The following USP25 variants were observed in gnomAD, a reference collection of about 807,000 sequenced individuals.
The protein encoded by USP25 is ubiquitin carboxyl-terminal hydrolase 25.
USP25 carries 85 observed loss-of-function variants against 158.5 expected under a neutral mutation model. That is an observed-to-expected ratio of 0.54 (90% CI 0.45 to 0.64). The LOEUF (loss-of-function observed/expected upper bound fraction) is 0.64, where lower values mean the gene tolerates loss of function less well. Among genes scored for constraint, USP25 ranks in the 30% least tolerant of loss-of-function variants. USP25 has a pLI of 0.00. For synonymous variants in USP25, 464 were observed against 460.4 expected, an observed-to-expected ratio of 1.01 and a Z score of -0.10; for missense variants, 1,242 against 1,327.3, an observed-to-expected ratio of 0.94 and a Z score of 1.00.
intron 8 of USP25, among the ~76,000 whole-genome samples, chr21:15,810,598 A>G (rs964453375): frequency 2.6e-5 from 4 of 152,220 alleles, no homozygotes; most frequent in Non-Finnish European, 5.9e-5. Flanking sequence ...GAAACTTCAC[A>G]AAAGAATGAA....
chr21:15,864,209 A>G (rs2039557271), intron 20 of USP25, 59 bp from the exon 21 acceptor site: 28 of 1,502,674 alleles, frequency 1.9e-5, no homozygotes, highest in Non-Finnish European at 2.2e-5. Context: ...CATAATATTG[A>G]AGGATTTTTT....
chr21:15,830,618 G>T lies in USP25; in HGVS notation c.1764+17G>T. 4 of 1,540,942 alleles carry T rather than the reference G, an allele frequency of 2.6e-6. No individual in the cohort carries two copies. Among genetic ancestry groups the T allele is most frequent in the Non-Finnish European group, 2.6e-6 (3 of 1,133,678 alleles). On this transcript the variant is annotated intron_variant, in intron 15 of 25. Coordinates refer to ENST00000400183, the MANE Select transcript of USP25 (RefSeq NM_001283041.3). ...ATGATACAAGTAAGTGAAATTTTGA[G>T]CTAGTAATCATTGTCAAAATTATTT...
chr21:15,816,814 TTCTTACTTAAGTGGTGCCA>T lies in USP25; in HGVS notation c.932-1882_932-1864del, dbSNP rs1308417845. Among the ~76,000 whole-genome samples, 1 of 152,154 alleles carries T rather than the reference TTCTTACTTAAGTGGTGCCA, an allele frequency of 6.6e-6. No homozygotes were observed. The highest frequency in any genetic ancestry group is 1.5e-5 in the Non-Finnish European group (1 of 68,014). On this transcript the variant is annotated intron_variant, in intron 9 of 25. Transcript: ENST00000400183. This position sits in a 1 kb window ranked among gnomAD's most constrained non-coding sequence, Gnocchi z 4.0. ...AACTAAAGAAAAAAAAAATCCTGTG[TTCTTACTTAAGTGGTGCCA>T]TTTTCAGTCCATAATCTGCCAGGCA...
intron 18 of USP25, 49 bp downstream of exon 18, chr21:15,842,589 T>G: frequency 6.2e-7 from 1 of 1,600,456 alleles, no homozygotes; most frequent in Non-Finnish European, 8.5e-7. Context: ...GTCACGACAT[T>G]TCCTCCAGTA....
intron 5 of USP25, 106 bp from the exon 6 acceptor site, chr21:15,799,645 CTGAGTA>C (rs1301245080): frequency 1.9e-5 from 11 of 574,354 alleles, no homozygotes; most frequent in Non-Finnish European, 2.9e-5. Context: ...TGCAATGATT[CTGAGTA>C]TAAGTAGTAC....
intron 20 of USP25, 139 bp from the exon 21 acceptor site, chr21:15,864,129 T>C: frequency 1.3e-6 from 1 of 766,490 alleles, no homozygotes; most frequent in Non-Finnish European, 2.0e-6. Context: ...TTCTTAGTTG[T>C]ACTGCCTTGT....
At chr21:15,797,636 G>A (rs1209834387) in intron 5 of USP25, among the ~76,000 whole-genome samples, 2 of 151,274 alleles carry the variant, frequency 1.3e-5, no homozygotes, top group African/African-American at 4.8e-5. Flanking sequence ...TCTACAATGG[G>A]AGCTCAGAGA....
chr21:15,737,262 T>C (rs1048393012), intron 1 of USP25, among the ~76,000 whole-genome samples: 2 of 152,152 alleles, frequency 1.3e-5, no homozygotes, highest in East Asian at 1.9e-4. Flanking sequence ...ACTACCCTTA[T>C]ATGTGGTCAG....
intron 4 of USP25, among the ~76,000 whole-genome samples, chr21:15,786,190 A>C (rs1039363287): frequency 3.9e-5 from 6 of 152,164 alleles, no homozygotes; most frequent in African/African-American, 9.7e-5. Context: ...TGATGGCTAC[A>C]TTGCTGAAGT....
intron 4 of USP25, among the ~76,000 whole-genome samples, chr21:15,778,372 A>G (rs892249238): frequency 1.3e-5 from 2 of 152,106 alleles, no homozygotes; most frequent in South Asian, 4.1e-4. Flanking sequence ...GTAAAGGGCT[A>G]ATAGTAAATA....
At chr21:15,821,849 A>T (rs1315468346) in intron 10 of USP25, among the ~76,000 whole-genome samples, 7 of 151,882 alleles carry the variant, frequency 4.6e-5, no homozygotes, top group Non-Finnish European at 8.8e-5. Context: ...TTAATAGAAA[A>T]CCAGCTATTA....
chr21:15,782,061 G>T (rs1252350316), intron 4 of USP25, among the ~76,000 whole-genome samples: 1 of 152,196 alleles, frequency 6.6e-6, no homozygotes, highest in Non-Finnish European at 1.5e-5. Flanking sequence ...TTGGCTACTT[G>T]GAGCCTAGGC....
chr21:15,814,257 G>C (rs2036821903), intron 9 of USP25, among the ~76,000 whole-genome samples: 1 of 151,264 alleles, frequency 6.6e-6, no homozygotes, highest in Non-Finnish European at 1.5e-5. Flanking sequence ...CAGCCATGTG[G>C]AACTGTAAGT....
chr21:15,837,468 A>G (rs2038111936), intron 17 of USP25, among the ~76,000 whole-genome samples: 1 of 152,126 alleles, frequency 6.6e-6, no homozygotes, highest in Non-Finnish European at 1.5e-5. Context: ...CACCCTACCT[A>G]AGGCCACTTA....
chr21:15,864,218 T>C, intron 20 of USP25, 50 bp from the exon 21 acceptor site: 1 of 1,553,140 alleles, frequency 6.4e-7, no homozygotes. Flanking sequence ...GAAGGATTTT[T>C]TGGTGTTCAA....
chr21:15,788,329 T>A (rs991913845), intron 4 of USP25, among the ~76,000 whole-genome samples: 1 of 152,010 alleles, frequency 6.6e-6, no homozygotes, highest in Non-Finnish European at 1.5e-5. Flanking sequence ...AGTACTAGAT[T>A]ATAGAAGGGG....
Position 15,826,890 on chromosome 21 carries a change from C to A in USP25, c.1467-87C>A. On this transcript the variant is annotated intron_variant, in intron 13 of 25. Coordinates refer to ENST00000400183, the MANE Select transcript of USP25 (RefSeq NM_001283041.3). This position sits in a 1 kb window ranked among gnomAD's most constrained non-coding sequence, Gnocchi z 4.8. ...AAGATTTTTTCTTTTGAATTACAAG[C>A]CAATTTAATACTGTGGGTTTGGCAC... 3.0e-6 allele frequency: 4 copies of A among 1,323,442 alleles called. No individual in the cohort carries two copies. Among genetic ancestry groups the A allele is most frequent in the South Asian group, 1.3e-5 (1 of 75,762 alleles). 82.0% of individuals were successfully genotyped at this position (1,323,442 alleles called of 1,614,324 possible).
At chr21:15,759,803 A>G (rs2033620011) in intron 1 of USP25, among the ~76,000 whole-genome samples, 1 of 152,134 alleles carries the variant, frequency 6.6e-6, no homozygotes, top group African/African-American at 2.4e-5. Flanking sequence ...TTCAGGTTAA[A>G]TTTTAGAGTG....
chr21:15,745,213 T>A (rs1300373009), intron 1 of USP25: 1 of 152,180 alleles, frequency 6.6e-6, no homozygotes, highest in Non-Finnish European at 1.5e-5. Context: ...TTATTGACCA[T>A]TTTTATGTCT....
Sources: gnomAD v4.1 joint callset for allele counts (sites outside exome capture counted in the v4.1 genomes callset) on GRCh38, gnomAD v4.1.1 for gene constraint, Gnocchi (gnomAD v3.1) non-coding constraint, MANE v1.5 for transcripts, NCBI Gene and HGNC (gene_info 2026-07-23, HGNC 2026-07-21) for gene names.